Variants in KCNN2 observed in about 807,000 individuals in gnomAD.
KCNN2 encodes the protein small conductance calcium-activated potassium channel protein 2.
Under a neutral mutation model 55.5 loss-of-function variants are expected in KCNN2, and 24 were observed. The observed-to-expected ratio is 0.43, with a 90% CI of 0.31 to 0.61. KCNN2 has a LOEUF of 0.61. Among genes scored for constraint, KCNN2 ranks in the 20% least tolerant of loss-of-function variants. The pLI, the probability that KCNN2 is intolerant of heterozygous loss-of-function variation, is 0.08. For missense variants in KCNN2, 754 were observed against 853.6 expected, an observed-to-expected ratio of 0.88 and a Z score of 1.45; for synonymous variants, 431 against 336.1, an observed-to-expected ratio of 1.28 and a Z score of -3.09.
intron 1 of KCNN2, among the ~76,000 whole-genome samples, chr5:114,207,383 G>A (rs947132982): frequency 5.9e-5 from 9 of 152,120 alleles, no homozygotes; most frequent in African/African-American, 2.2e-4. Flanking sequence ...ATAGAAAATG[G>A]TATATCGCTG....
At position 114,328,768 on chromosome 5, in the gene KCNN2, C is replaced by A. The variant is rs1756755047; in HGVS notation, c.-184-32177C>A. Among the ~76,000 whole-genome samples the A allele has an allele frequency of 4.6e-5, 7 of 152,274 alleles. No homozygotes were observed. In the South Asian group the frequency reaches 1.5e-3, roughly 32 times the overall value. On this transcript the variant is annotated intron_variant, in intron 2 of 10. Coordinates refer to the KCNN2 transcript ENST00000512097. ...CCTTCCTCACTCCCACAACTCATCC[C>A]AGCTAGATTATTGTTTAGGCAACCC... is the stretch of plus-strand genomic sequence containing the variant.
intron 1 of KCNN2, among the ~76,000 whole-genome samples, chr5:114,089,104 G>GA (rs5870581): frequency 0.46 from 70,540 of 151,892 alleles, 16,531 homozygotes; most frequent in East Asian, 0.65. Context: ...AGTTATCAGT[G>GA]TAGTTTTCAG....
intron 2 of KCNN2, among the ~76,000 whole-genome samples, chr5:114,377,383 G>C (rs983463487): frequency 2.6e-5 from 4 of 152,164 alleles, no homozygotes; most frequent in Non-Finnish European, 4.4e-5. Flanking sequence ...ATGATTGGAG[G>C]GTGGAAAAAT....
intron 1 of KCNN2, 145 bp downstream of exon 1, chr5:114,363,406 C>T: frequency 2.9e-6 from 3 of 1,041,746 alleles, no homozygotes; most frequent in South Asian, 1.7e-5. Flanking sequence ...GCGTCTAGGA[C>T]GCGCATCCGT....
chr5:114,098,310 T>C (rs1222988023), intron 1 of KCNN2, among the ~76,000 whole-genome samples: 1 of 152,056 alleles, frequency 6.6e-6, no homozygotes, highest in Non-Finnish European at 1.5e-5. Context: ...TTGGATTCTT[T>C]AGGGACCATT....
chr5:114,083,488 A>G (rs1349669642), intron 1 of KCNN2, among the ~76,000 whole-genome samples: 2 of 152,026 alleles, frequency 1.3e-5, no homozygotes, highest in African/African-American at 4.8e-5. Flanking sequence ...AATTTTCCTT[A>G]TCATTTCCTT....
chr5:114,323,678 A>T lies in KCNN2; in HGVS notation c.-184-37267A>T, dbSNP rs530590914. Among the ~76,000 whole-genome samples the T allele has an allele frequency of 8.0e-3, 192 of 24,062 alleles. 2 individuals are homozygous for T. The highest frequency in any genetic ancestry group is 0.046 in the South Asian group (19 of 414). The allele number at this position is 24,062 out of a possible 152,430, so 15.8% of individuals were successfully genotyped here. ...TTTTTTTTTTTTTTTGCTGGTCGGG[A>T]TGGAATCTCTCTCTGTTGCCAGCCT... On this transcript the variant is annotated intron_variant, in intron 2 of 10. Transcript: ENST00000512097.
At chr5:114,463,319 C>G in intron 4 of KCNN2, 129 bp downstream of exon 4, 1 of 668,052 alleles carries the variant, frequency 1.5e-6, no homozygotes, top group Non-Finnish European at 2.4e-6. Context: ...ATAAATAAAT[C>G]AATTTTGTGT....
chr5:114,295,998 A>G (rs1264412484), intron 2 of KCNN2, among the ~76,000 whole-genome samples: 2 of 152,242 alleles, frequency 1.3e-5, no homozygotes, highest in African/African-American at 2.4e-5. Context: ...CATAAGTACT[A>G]CTAATACTAC....
chr5:114,318,851 T>C (rs1167594676), intron 2 of KCNN2, among the ~76,000 whole-genome samples: 2 of 152,142 alleles, frequency 1.3e-5, no homozygotes, highest in African/African-American at 4.8e-5. Context: ...GCATGTATTA[T>C]GTTCATATTT....
At chr5:114,324,865 C>G (rs73779797) in intron 2 of KCNN2, among the ~76,000 whole-genome samples, 1 of 152,250 alleles carries the variant, frequency 6.6e-6, no homozygotes, top group African/African-American at 2.4e-5. Flanking sequence ...ATGTTAATGG[C>G]TCTGCTAGTG....
At chr5:114,409,867 TTCTCTCTC>T (rs377480191) in intron 3 of KCNN2, among the ~76,000 whole-genome samples, 3 of 150,096 alleles carry the variant, frequency 2.0e-5, no homozygotes, top group African/African-American at 7.3e-5. Context: ...GTAATAAAAA[TTCTCTCTC>T]TCTCTCTCTC....
At chr5:114,063,749 T>G (rs1224217161) in intron 1 of KCNN2, among the ~76,000 whole-genome samples, 1 of 152,146 alleles carries the variant, frequency 6.6e-6, no homozygotes, top group Non-Finnish European at 1.5e-5. Flanking sequence ...GCACTGAAAG[T>G]CTTGTGTCCT....
chr5:114,460,031 A>T (rs1761121031), intron 3 of KCNN2, among the ~76,000 whole-genome samples: 1 of 152,104 alleles, frequency 6.6e-6, no homozygotes, highest in African/African-American at 2.4e-5. Context: ...ACTGCCCCCA[A>T]CTCTGAAAAA....
At chr5:114,393,901 C>T (rs28393465) in intron 2 of KCNN2, among the ~76,000 whole-genome samples, 2,168 of 151,938 alleles carry the variant, frequency 0.014, 58 homozygotes, top group African/African-American at 0.049. Flanking sequence ...TCATTTAACC[C>T]GTTTCCCTAC....
chr5:114,453,058 C>T (rs12153735), intron 3 of KCNN2, among the ~76,000 whole-genome samples: 49,516 of 152,024 alleles, frequency 0.33, 9,177 homozygotes, highest in Non-Finnish European at 0.41. Flanking sequence ...TGAAATTAAA[C>T]GGATTTGGAC....
At chr5:114,265,324 GGTGTGTGTGTGTGTGT>G (rs60111802) in intron 2 of KCNN2, among the ~76,000 whole-genome samples, 53,542 of 149,038 alleles carry the variant, frequency 0.36, 9,896 homozygotes, top group Middle Eastern at 0.46. Flanking sequence ...ATCAAGAGGA[GGTGTGTGTGTGTGTGT>G]GTGTGTGTGT....
chr5:114,138,061 G>A (rs529964423), intron 1 of KCNN2, among the ~76,000 whole-genome samples: 5 of 152,100 alleles, frequency 3.3e-5, no homozygotes, highest in South Asian at 4.1e-4. Flanking sequence ...GTTTACTGTC[G>A]TTGATATTTT....
intron 2 of KCNN2, among the ~76,000 whole-genome samples, chr5:114,367,095 C>A (rs1757623150): frequency 6.6e-6 from 1 of 152,104 alleles, no homozygotes; most frequent in African/African-American, 2.4e-5. Context: ...TCATGGAGAA[C>A]CTTGGAAAGC....
Sources: gnomAD v4.1 joint callset for allele counts (sites outside exome capture counted in the v4.1 genomes callset) on GRCh38, gnomAD v4.1.1 for gene constraint, MANE v1.5 for transcripts, NCBI Gene and HGNC (gene_info 2026-07-23, HGNC 2026-07-21) for gene names.